The following LRCH1 variants were observed in gnomAD, a reference collection of about 807,000 sequenced individuals.
The protein encoded by LRCH1 is leucine-rich repeat and calponin homology domain-containing protein 1.
Under a neutral mutation model 94.9 loss-of-function variants are expected in LRCH1, and 23 were observed. The observed-to-expected ratio is 0.24, with a 90% CI of 0.17 to 0.34. LRCH1 has a LOEUF of 0.34. Among genes scored for constraint, LRCH1 ranks in the 10% least tolerant of loss-of-function variants. The pLI, the probability that LRCH1 is intolerant of heterozygous loss-of-function variation, is 1.00. For synonymous variants in LRCH1, 364 were observed against 354.9 expected (o/e 1.03, Z -0.29); for missense variants, 790 against 945.9 (o/e 0.84, Z 2.16).
chr13:46,590,959 T>A (rs951867506), intron 1 of LRCH1, among the ~76,000 whole-genome samples: 1 of 152,148 alleles, frequency 6.6e-6, no homozygotes, highest in Non-Finnish European at 1.5e-5. Context: ...AACTTTATTT[T>A]TCATTGCTTA....
At chr13:46,582,422 C>G (rs537749508) in intron 1 of LRCH1, among the ~76,000 whole-genome samples, 24 of 111,598 alleles carry the variant, frequency 2.2e-4, no homozygotes, top group African/African-American at 7.7e-4. Flanking sequence ...TGGCTGAGAT[C>G]AATAAGAGAT....
intron 1 of LRCH1, among the ~76,000 whole-genome samples, chr13:46,625,869 T>C (rs2050942788): frequency 6.6e-6 from 1 of 151,968 alleles, no homozygotes; most frequent in African/African-American, 2.4e-5. Context: ...CCCAGGTTAG[T>C]CTCAAACTCC....
At position 46,583,799 on chromosome 13, in the gene LRCH1, C is replaced by A. The variant is rs185490243; in HGVS notation, c.307+30096C>A. Among the ~76,000 whole-genome samples, 838 of 149,218 alleles carry A rather than the reference C, an allele frequency of 5.6e-3. 4 individuals are homozygous for A. Among genetic ancestry groups the A allele is most frequent in the South Asian group, 0.02 (95 of 4,702 alleles). On this transcript the variant is annotated intron_variant, in intron 1 of 19. Coordinates refer to ENST00000389797, the MANE Select transcript of LRCH1 (RefSeq NM_001164211.2). ...TTTTTGAGACAGTGTGTCACTGTGT[C>A]CCCCAGGCTGGAGTGCAGTGGCGCA...
intron 2 of LRCH1, among the ~76,000 whole-genome samples, chr13:46,661,218 G>T (rs549055621): frequency 1.3e-5 from 2 of 151,986 alleles, no homozygotes; most frequent in African/African-American, 4.8e-5. Flanking sequence ...TGACCCACCC[G>T]GTTTCAAACC....
intron 1 of LRCH1, among the ~76,000 whole-genome samples, chr13:46,554,603 T>C (rs993741894): frequency 6.6e-6 from 1 of 152,246 alleles, no homozygotes; most frequent in Non-Finnish European, 1.5e-5. Flanking sequence ...TCAAGTTACG[T>C]CATGTGTTAC....
Position 46,553,430 on chromosome 13 carries a change from G to T in LRCH1, c.34G>T (p.Val12Phe). 1.3e-6 allele frequency: 2 copies of T among 1,547,792 alleles called. No individual in the cohort carries two copies. Among genetic ancestry groups the T allele is most frequent in the Non-Finnish European group, 1.7e-6 (2 of 1,146,222 alleles). ...ATPGSEPQPF[V>F]PALSVATLHP... ...GCCGGGAAGCGAACCCCAACCTTTC[G>T]TCCCGGCCCTTTCGGTAGCTACTCT... The change falls in exon 1 of 20, where the codon GTC (valine) becomes TTC (phenylalanine). Residue 12 changes from valine (V) to phenylalanine (F), a missense_variant. Val to Phe is a conservative substitution (Grantham distance 50, BLOSUM62 -1). This residue lies in a region of LRCH1 where 136 missense variants were observed against 143.5 expected (regional missense o/e 0.95). Transcript: ENST00000389797.
At chr13:46,582,370 C>CTTTTTTTTTTTTTTTTTTTTT (rs10686269) in intron 1 of LRCH1, among the ~76,000 whole-genome samples, 1 of 79,590 alleles carries the variant, frequency 1.3e-5, no homozygotes, top group Non-Finnish European at 2.2e-5. Context: ...TTGCTCTCAT[C>CTTTTTTTTTTTTTTTTTTTTT]TTTTTTTTTT....
chr13:46,601,255 T>C (rs2050625277), intron 1 of LRCH1, among the ~76,000 whole-genome samples: 1 of 152,220 alleles, frequency 6.6e-6, no homozygotes, highest in African/African-American at 2.4e-5. Context: ...GGTCCTCTCT[T>C]CACTGTCCCT....
chr13:46,748,567 G>A (rs983411233), downstream of LRCH1, among the ~76,000 whole-genome samples: 2 of 152,154 alleles, frequency 1.3e-5, no homozygotes, highest in African/African-American at 4.8e-5. Context: ...GCTGGACACT[G>A]TCATCAGGCC....
intron 1 of LRCH1, among the ~76,000 whole-genome samples, chr13:46,603,204 T>G (rs1383471971): frequency 1.3e-5 from 2 of 152,108 alleles, no homozygotes; most frequent in Non-Finnish European, 2.9e-5. Context: ...TTCTTCTTGG[T>G]GTGGCCCTGT....
At chr13:46,730,383 G>A (rs758816428) in intron 18 of LRCH1, among the ~76,000 whole-genome samples, 15 of 152,094 alleles carry the variant, frequency 9.9e-5, no homozygotes, top group Admixed American at 3.9e-4. Flanking sequence ...CCATAAAAGT[G>A]CAATGTTCAT....
At chr13:46,645,638 G>GT (rs1197424494) in intron 1 of LRCH1, among the ~76,000 whole-genome samples, 1 of 152,080 alleles carries the variant, frequency 6.6e-6, no homozygotes, top group African/African-American at 2.4e-5. Flanking sequence ...AGAAAATTGA[G>GT]TAACTTTCTC....
chr13:46,726,502 T>A (rs1415109152), intron 17 of LRCH1, among the ~76,000 whole-genome samples: 1 of 152,152 alleles, frequency 6.6e-6, no homozygotes, highest in Non-Finnish European at 1.5e-5. Flanking sequence ...CACAAAAGTT[T>A]TAGACCATAA....
rs1872662713 is a variant in LRCH1 at position 46,723,205 on chromosome 13, C to A, written c.1760-16C>A. ...AAGGCACTATATAAAGGCTTTTTTT[C>A]CCCTTTGTATTGTAGTGTTTCTAAG... is the stretch of plus-strand genomic sequence containing the variant. On this transcript the variant is annotated splice_polypyrimidine_tract_variant and intron_variant, in intron 16 of 19. Transcript: ENST00000389797. 4.0e-6 allele frequency: 6 copies of A among 1,494,354 alleles called. No homozygotes were observed. Among genetic ancestry groups the A allele is most frequent in the Non-Finnish European group, 5.5e-6 (6 of 1,083,094 alleles). The allele number at this position is 1,494,354 out of a possible 1,614,324, so 92.6% of individuals were successfully genotyped here.
chr13:46,711,849 G>A lies in LRCH1; in HGVS notation c.1581+5G>A, dbSNP rs775402884. The stretch of plus-strand genomic sequence containing the variant: ...AGCCAGTATTCTCCAAATGAGGTAA[G>A]TTTCTTGAAGATTAATGGAAGGTGA... On this transcript the variant is annotated splice_donor_5th_base_variant and intron_variant, in intron 14 of 19. Coordinates refer to ENST00000389797, the MANE Select transcript of LRCH1 (RefSeq NM_001164211.2). The A allele has an allele frequency of 1.2e-6, 2 of 1,610,022 alleles. No individual in the cohort carries two copies. The highest frequency in any genetic ancestry group is 1.3e-5 in the African/African-American group (1 of 74,820).
chr13:46,682,845 G>A (rs559707536), intron 4 of LRCH1, among the ~76,000 whole-genome samples: 11 of 152,314 alleles, frequency 7.2e-5, no homozygotes, highest in African/African-American at 2.6e-4. Context: ...GTAGTGTGTT[G>A]AGTTCAAGGC....
chr13:46,582,149 CAAAAAAAAAA>C lies in LRCH1; in HGVS notation c.307+28454_307+28463del, dbSNP rs11387752. 1.9e-5 allele frequency among the ~76,000 whole-genome samples: 2 copies of C among 104,604 alleles called. 1 individual carries two copies. The highest frequency in any genetic ancestry group is 2.3e-4 in the Admixed American group (2 of 8,842). 68.6% of individuals were successfully genotyped at this position (104,604 alleles called of 152,430 possible). A position where few individuals can be genotyped will look rare whatever the true frequency, so the allele number is the denominator to read the frequency against. On this transcript the variant is annotated intron_variant, in intron 1 of 19. Transcript: ENST00000389797. ...TGGGCGGCAGAGAGAGACTCCATCT[CAAAAAAAAAA>C]AAAAAAAGAAAGAAAGAAAATGAAG...
At chr13:46,709,017 A>G (rs1426397121) in intron 13 of LRCH1, among the ~76,000 whole-genome samples, 2 of 152,216 alleles carry the variant, frequency 1.3e-5, no homozygotes, top group Admixed American at 1.3e-4. Flanking sequence ...TTGGTAAGCA[A>G]ATTTCAGTGT....
intron 1 of LRCH1, among the ~76,000 whole-genome samples, chr13:46,582,503 A>G (rs2050381938): frequency 8.2e-6 from 1 of 121,382 alleles, no homozygotes; most frequent in African/African-American, 3.1e-5. Context: ...TTTTTTTTTG[A>G]CACAGGGTCT....
Sources: gnomAD v4.1 joint callset for allele counts (sites outside exome capture counted in the v4.1 genomes callset) on GRCh38, gnomAD v4.1.1 for gene constraint, gnomAD v4.1.1 regional missense constraint, MANE v1.5 for transcripts, NCBI Gene and HGNC (gene_info 2026-07-23, HGNC 2026-07-21) for gene names.